The following ACAA2 variants were observed in gnomAD, a reference collection of about 807,000 sequenced individuals.
ACAA2 encodes the protein 3-ketoacyl-CoA thiolase, mitochondrial.
Under a neutral mutation model 44.8 loss-of-function variants are expected in ACAA2, and 35 were observed. That is an observed-to-expected ratio of 0.78 (90% CI 0.60 to 1.04). The LOEUF (loss-of-function observed/expected upper bound fraction) is 1.04. Ranked by LOEUF, ACAA2 falls within the 50% of genes least tolerant of loss-of-function variation. ACAA2 has a pLI of 0.00. For missense variants in ACAA2, 468 were observed against 482.6 expected (o/e 0.97, Z 0.28); for synonymous variants, 142 against 166.5 (o/e 0.85, Z 1.13).
At chr18:49,791,200 G>A (rs1296774920) in intron 7 of ACAA2, among the ~76,000 whole-genome samples, 2 of 152,092 alleles carry the variant, frequency 1.3e-5, no homozygotes, top group African/African-American at 2.4e-5. Flanking sequence ...AACTCTCAAA[G>A]GAACAATAAG....
In ACAA2 at chr18:49,797,600, A is replaced by G. The variant is rs766359864; in HGVS notation, c.184-6T>C. The G allele has an allele frequency of 1.3e-6, 2 of 1,581,436 alleles. No individual in the cohort carries two copies. The highest frequency in any genetic ancestry group is 1.7e-6 in the Non-Finnish European group (2 of 1,169,648). On this transcript the variant is annotated splice_polypyrimidine_tract_variant and splice_region_variant and intron_variant, in intron 2 of 9. Coordinates refer to ENST00000285093, the MANE Select transcript of ACAA2 (RefSeq NM_006111.3). ...TATATAGCATCTGAAGAACTCTAGA[A>G]GAGAGAAGGAAAAGAAAAATAATTT...
intron 2 of ACAA2, 141 bp downstream of exon 2, chr18:49,802,546 G>T: frequency 1.3e-6 from 1 of 772,164 alleles, no homozygotes; most frequent in Non-Finnish European, 1.8e-6. Flanking sequence ...TGGCGGCAGA[G>T]CGAGACTCCA....
chr18:49,794,154 A>C (rs2023437990), intron 5 of ACAA2, 126 bp downstream of exon 5: 3 of 735,996 alleles, frequency 4.1e-6, no homozygotes, highest in Non-Finnish European at 3.9e-6. Context: ...ACAAAGGAAT[A>C]ATGAAAAGAT....
At chr18:49,792,466 A>AC in intron 5 of ACAA2, 139 bp from the exon 6 acceptor site, 1 of 821,584 alleles carries the variant, frequency 1.2e-6, no homozygotes, top group Non-Finnish European at 1.8e-6. Flanking sequence ...AATTTTTGAG[A>AC]TGGAGTCTCA....
chr18:49,795,863 CTTCT>C lies in ACAA2; in HGVS notation c.327_330del (p.Glu110LeufsTer12), dbSNP rs2023459332. On this transcript the variant is annotated frameshift_variant, in exon 4 of 10. Transcript: ENST00000285093. LOFTEE classifies it high-confidence loss of function. ...GTTCCTCCACATAAAACAACTTCAG[CTTCT>C]TTAACACAAATTTCCTATTTAAAAA... 1 of 1,610,582 alleles carries C rather than the reference CTTCT, an allele frequency of 6.2e-7. No homozygotes were observed. Among genetic ancestry groups the C allele is most frequent in the Non-Finnish European group, 8.5e-7 (1 of 1,178,180 alleles).
chr18:49,785,351 C>A lies in ACAA2; in HGVS notation c.955G>T (p.Val319Leu), dbSNP rs780297180. 3 of 1,612,730 alleles carry A rather than the reference C, an allele frequency of 1.9e-6. No individual in the cohort carries two copies. The African/African-American group carries it at 4.0e-5, about 22-fold the overall frequency. The change falls in exon 9 of 10, where the codon GTG (valine) becomes TTG (leucine). Residue 319 changes from valine to leucine, a missense_variant and splice_region_variant. Transcript: ENST00000285093. ...TACTGGGGAGCAAAAGCTTCATTCA[C>A]CTTAAAACAAAAATTAGAGCACTAA... is the stretch of plus-strand genomic sequence containing the variant. Reference protein sequence around the residue: ...LSLKDMDLVEVNEAFAPQYLA... With the variant: ...LSLKDMDLVELNEAFAPQYLA...
chr18:49,807,421 A>G (rs1332507201), intron 1 of ACAA2, among the ~76,000 whole-genome samples: 2 of 152,176 alleles, frequency 1.3e-5, no homozygotes, highest in Non-Finnish European at 2.9e-5. Context: ...ATAAAATGCA[A>G]AACTCTTAGA....
chr18:49,810,477 G>C (rs996777840), intron 1 of ACAA2, among the ~76,000 whole-genome samples: 29 of 152,016 alleles, frequency 1.9e-4, no homozygotes, highest in African/African-American at 6.8e-4. Flanking sequence ...CATTTGATAG[G>C]GCAGTGCTAG....
At chr18:49,800,081 G>A (rs1349421236) in intron 2 of ACAA2, among the ~76,000 whole-genome samples, 5 of 150,274 alleles carry the variant, frequency 3.3e-5, no homozygotes, top group South Asian at 4.2e-4. Flanking sequence ...CCGGGAGGGA[G>A]GTGGGGGTCA....
chr18:49,811,462 G>A (rs1162466562), intron 1 of ACAA2: 1 of 152,170 alleles, frequency 6.6e-6, no homozygotes, highest in African/African-American at 2.4e-5. Context: ...TCTGTCGAGC[G>A]AAAACCTCCT....
chr18:49,795,273 T>C (rs2023452017), intron 4 of ACAA2, among the ~76,000 whole-genome samples: 1 of 152,178 alleles, frequency 6.6e-6, no homozygotes, highest in African/African-American at 2.4e-5. Flanking sequence ...CTCTCAAAGA[T>C]AAAAGAATCA....
chr18:49,811,141 A>G lies in ACAA2; in HGVS notation c.16+2328T>C, dbSNP rs568675062. On this transcript the variant is annotated intron_variant, in intron 1 of 9. Transcript: ENST00000285093. ...GCTAAAAATTTCCCAAAACTGAAAG[A>G]CAGTGAAGAGACCTATTAACCCAGA... 9.2e-5 allele frequency among the ~76,000 whole-genome samples: 14 copies of G among 152,048 alleles called. No individual in the cohort carries two copies. The South Asian group carries it at 2.7e-3, about 29-fold the overall frequency.
chr18:49,809,947 T>C (rs1401074874), intron 1 of ACAA2, among the ~76,000 whole-genome samples: 1 of 152,174 alleles, frequency 6.6e-6, no homozygotes, highest in Non-Finnish European at 1.5e-5. Flanking sequence ...ATGTTAATAA[T>C]AGGGGAAACG....
At position 49,790,314 on chromosome 18, in the gene ACAA2, C is replaced by T. The variant is rs560567589; in HGVS notation, c.883+1156G>A. On this transcript the variant is annotated intron_variant, in intron 7 of 9. Coordinates refer to ENST00000285093, the MANE Select transcript of ACAA2 (RefSeq NM_006111.3). ...AGCTTTTTTTCTTAGGAACTCTATA[C>T]AGAGATATGTCTTCTCTGAGGGACA... Among the ~76,000 whole-genome samples the T allele has an allele frequency of 2.0e-3, 311 of 152,270 alleles. 1 individual carries two copies. The highest frequency in any genetic ancestry group is 3.0e-3 in the Non-Finnish European group (201 of 68,022).
intron 1 of ACAA2, among the ~76,000 whole-genome samples, chr18:49,804,003 C>T (rs916122050): frequency 6.6e-6 from 1 of 151,696 alleles, no homozygotes; most frequent in Non-Finnish European, 1.5e-5. Context: ...CTCCGCCTCC[C>T]GGGTTCAAGT....
At chr18:49,807,999 A>C (rs75992724) in intron 1 of ACAA2, among the ~76,000 whole-genome samples, 15 of 151,402 alleles carry the variant, frequency 9.9e-5, no homozygotes, top group African/African-American at 3.4e-4. Flanking sequence ...AAAAAAAAAA[A>C]CCCATGCAAC....
At chr18:49,793,767 G>A (rs1385386875) in intron 5 of ACAA2, among the ~76,000 whole-genome samples, 2 of 152,128 alleles carry the variant, frequency 1.3e-5, no homozygotes, top group African/African-American at 4.8e-5. Context: ...GCTACACCAG[G>A]GCACTCTAAC....
At chr18:49,800,891 A>T (rs959758475) in intron 2 of ACAA2, among the ~76,000 whole-genome samples, 16 of 22,282 alleles carry the variant, frequency 7.2e-4, no homozygotes, top group African/African-American at 1.9e-3. Context: ...AATGATCAAT[A>T]AAAAAAAAAA....
In ACAA2 at chr18:49,782,468, A is replaced by G. The variant is rs1209899311; in HGVS notation, c.*1379T>C. The G allele has an allele frequency of 6.7e-6, 1 of 149,504 alleles. No homozygotes were observed. The allele number at this position is 149,504 out of a possible 1,614,324, so 9.3% of individuals were successfully genotyped here. On this transcript the variant is annotated 3_prime_UTR_variant, in exon 10 of 10. Coordinates refer to ENST00000285093, the MANE Select transcript of ACAA2 (RefSeq NM_006111.3). ...ATGATACTATTATTTAACATCTAGT[A>G]TTATTTAACATCTATTATTCAGTGA...
Sources: gnomAD v4.1 joint callset for allele counts (sites outside exome capture counted in the v4.1 genomes callset) on GRCh38, gnomAD v4.1.1 for gene constraint, MANE v1.5 for transcripts, NCBI Gene and HGNC (gene_info 2026-07-23, HGNC 2026-07-21) for gene names.